MACROD1: variants seen among roughly 807,000 people sequenced by gnomAD.
The protein encoded by MACROD1 is mono-ADP ribosylhydrolase 1.
MACROD1 carries 31 observed loss-of-function variants against 41.4 expected under a neutral mutation model. That is an observed-to-expected ratio of 0.75 (90% confidence interval 0.56 to 1.01). MACROD1 has a LOEUF of 1.01. Ranked by LOEUF, MACROD1 falls within the 50% of genes least tolerant of loss-of-function variation. MACROD1 has a pLI of 0.00. For synonymous variants in MACROD1, 252 were observed against 203.4 expected (o/e 1.24, Z -2.03); for missense variants, 473 against 460.0 (o/e 1.03, Z -0.26).
intron 1 of MACROD1, among the ~76,000 whole-genome samples, chr11:64,159,320 GAA>G (rs34061690): frequency 3.3e-3 from 340 of 103,966 alleles, no homozygotes; most frequent in South Asian, 7.5e-3. Flanking sequence ...CTCCGTCTCA[GAA>G]AAAAAAAAAA....
rs1945497766 is a variant in MACROD1 at position 64,146,500 on chromosome 11, C to T, written c.517+4739G>A. On this transcript the variant is annotated intron_variant, in intron 3 of 10. Coordinates refer to ENST00000255681, the MANE Select transcript of MACROD1 (RefSeq NM_014067.4). This position sits in a 1 kb window ranked among gnomAD's most constrained non-coding sequence, Gnocchi z 4.7. The stretch of plus-strand genomic sequence containing the variant: ...GAACCTGAGACTCTCCCGGGTGCTA[C>T]CCAAGCAAGTGGCCTCAGCTGGCAG... Among the ~76,000 whole-genome samples, 2 of 152,162 alleles carry T rather than the reference C, an allele frequency of 1.3e-5. No individual in the cohort carries two copies. Among genetic ancestry groups the T allele is most frequent in the South Asian group, 4.1e-4 (2 of 4,832 alleles).
chr11:64,036,619 C>G lies in MACROD1; in HGVS notation c.518-21338G>C, dbSNP rs1311812777. On this transcript the variant is annotated intron_variant, in intron 3 of 10. Coordinates refer to ENST00000255681, the MANE Select transcript of MACROD1 (RefSeq NM_014067.4). This position sits in a 1 kb window ranked among gnomAD's most constrained non-coding sequence, Gnocchi z 5.6. ...CGGCCTGGGCGCCGCGCTCCCGTCCCCACCAGCCGCGTGAGTCACGGTTGG... is the reference window on the plus strand; with the variant it reads ...CGGCCTGGGCGCCGCGCTCCCGTCCGCACCAGCCGCGTGAGTCACGGTTGG... Among the ~76,000 whole-genome samples, 1 of 152,196 alleles carries G rather than the reference C, an allele frequency of 6.6e-6. No individual in the cohort carries two copies. The highest frequency in any genetic ancestry group is 1.5e-5 in the Non-Finnish European group (1 of 68,030).
rs1945615628 is a variant in MACROD1 at position 64,153,406 on chromosome 11, G to C, written c.299-1013C>G. The stretch of plus-strand genomic sequence containing the variant: ...ATATGTAGAGGCGGGAGAGCAATTA[G>C]AGGAGGTGGTGAGAAAGGAAGGACT... On this transcript the variant is annotated intron_variant, in intron 1 of 10. Coordinates refer to ENST00000255681, the MANE Select transcript of MACROD1 (RefSeq NM_014067.4). Among the ~76,000 whole-genome samples the C allele has an allele frequency of 3.9e-5, 6 of 152,186 alleles. No homozygotes were observed. In the South Asian group the frequency reaches 1.2e-3, roughly 32 times the overall value.
chr11:64,136,800 T>C (rs1945339119), intron 3 of MACROD1, among the ~76,000 whole-genome samples: 1 of 151,934 alleles, frequency 6.6e-6, no homozygotes, highest in African/African-American at 2.4e-5. Flanking sequence ...TGAAAAGAGG[T>C]GGAGAGAATC....
intron 3 of MACROD1, among the ~76,000 whole-genome samples, chr11:64,019,039 C>T (rs1327059860): frequency 6.6e-6 from 1 of 151,958 alleles, no homozygotes; most frequent in Non-Finnish European, 1.5e-5. Context: ...GTGGGGGACC[C>T]GAGCCTGGAC....
chr11:64,034,054 G>A (rs1314394734), intron 3 of MACROD1, among the ~76,000 whole-genome samples: 3 of 152,210 alleles, frequency 2.0e-5, no homozygotes, highest in South Asian at 4.1e-4. Context: ...TTGAGTGCCC[G>A]CGCTCTGTGC....
Position 64,165,813 on chromosome 11 carries a change from A to G in MACROD1, c.182T>C (p.Val61Ala). The G allele has an allele frequency of 6.7e-7, 1 of 1,483,038 alleles. No homozygotes were observed. Among genetic ancestry groups the G allele is most frequent in the Non-Finnish European group, 8.9e-7 (1 of 1,118,378 alleles). 91.9% of individuals were successfully genotyped at this position (1,483,038 alleles called of 1,614,324 possible). ...CACCGCCGCCGCCCCCCACGCCCCAACTCCCGCCGAGGTCCGCGCACGGCG... is the reference window on the plus strand; with the variant it reads ...CACCGCCGCCGCCCCCCACGCCCCAGCTCCCGCCGAGGTCCGCGCACGGCG... The part of the protein sequence containing the change: ...FGRRARTSAG[V>A]GAWGAAAVGR... The change falls in exon 1 of 11, where the codon GTT (valine) becomes GCT (alanine). Residue 61 changes from valine to alanine, a missense_variant. Val to Ala is a moderately conservative substitution (Grantham distance 64). Transcript: ENST00000255681.
chr11:64,002,654 G>A (rs942924973), intron 4 of MACROD1, among the ~76,000 whole-genome samples: 3 of 152,152 alleles, frequency 2.0e-5, no homozygotes, highest in African/African-American at 7.2e-5. Context: ...CCCTGAGAGT[G>A]CAGAGGGGAA....
intron 4 of MACROD1, among the ~76,000 whole-genome samples, chr11:64,010,953 G>A (rs985748016): frequency 2.7e-5 from 4 of 146,510 alleles, no homozygotes; most frequent in African/African-American, 1.0e-4. Flanking sequence ...TTGGGGTGTT[G>A]GCTGGCATGT....
chr11:64,042,327 C>G (rs1943503292), intron 3 of MACROD1, among the ~76,000 whole-genome samples: 1 of 152,194 alleles, frequency 6.6e-6, no homozygotes, highest in African/African-American at 2.4e-5. Context: ...GAGTGGCTGC[C>G]CCACCCTTCC....
chr11:64,090,727 G>A lies in MACROD1; in HGVS notation c.517+60512C>T, dbSNP rs983235389. ...CTAAAATGGGGGCAGGGGTGGCAGCGTCTCTCCACCACATCCCAAGACTAA... is the reference window on the plus strand; with the variant it reads ...CTAAAATGGGGGCAGGGGTGGCAGCATCTCTCCACCACATCCCAAGACTAA... On this transcript the variant is annotated intron_variant, in intron 3 of 10. Coordinates refer to ENST00000255681, the MANE Select transcript of MACROD1 (RefSeq NM_014067.4). The surrounding 1 kb of genome is among the most constrained non-coding windows in gnomAD (Gnocchi z 4.7). Among the ~76,000 whole-genome samples the A allele has an allele frequency of 5.3e-5, 8 of 151,940 alleles. No homozygotes were observed. The highest frequency in any genetic ancestry group is 4.2e-4 in the South Asian group (2 of 4,816).
At chr11:64,163,297 T>A (rs1461655108) in intron 1 of MACROD1, among the ~76,000 whole-genome samples, 1 of 152,154 alleles carries the variant, frequency 6.6e-6, no homozygotes, top group Non-Finnish European at 1.5e-5. Context: ...TGAAACTGTC[T>A]CAAAAAAAAA....
chr11:64,109,415 G>A (rs767282044), intron 3 of MACROD1, among the ~76,000 whole-genome samples: 7 of 152,080 alleles, frequency 4.6e-5, no homozygotes, highest in African/African-American at 1.2e-4. Flanking sequence ...GGAGGCTGCC[G>A]GCCTCTCCCC....
At chr11:64,049,405 G>C (rs574536356) in intron 3 of MACROD1, among the ~76,000 whole-genome samples, 133 of 152,300 alleles carry the variant, frequency 8.7e-4, no homozygotes, top group African/African-American at 3.1e-3. Flanking sequence ...CAGGCCCCCT[G>C]AGCACTTCCT....
At chr11:64,063,795 A>C (rs544318121) in intron 3 of MACROD1, among the ~76,000 whole-genome samples, 13 of 152,298 alleles carry the variant, frequency 8.5e-5, no homozygotes, top group African/African-American at 2.9e-4. Context: ...AAAGGCCCCA[A>C]ATGAGACAGC....
chr11:64,150,889 G>C (rs949344501), intron 3 of MACROD1, among the ~76,000 whole-genome samples: 1 of 152,224 alleles, frequency 6.6e-6, no homozygotes, highest in Non-Finnish European at 1.5e-5. Context: ...GCCAAAGGCA[G>C]AGGAAGGCAG....
chr11:64,015,870 G>A (rs1384186365), intron 3 of MACROD1, among the ~76,000 whole-genome samples: 2 of 152,192 alleles, frequency 1.3e-5, no homozygotes, highest in African/African-American at 4.8e-5. Flanking sequence ...AAGGCGAGCC[G>A]GGTAAGGGGC....
At chr11:64,000,611 C>A (rs1000912213) in intron 4 of MACROD1, among the ~76,000 whole-genome samples, 2 of 152,098 alleles carry the variant, frequency 1.3e-5, no homozygotes, top group Non-Finnish European at 2.9e-5. Flanking sequence ...CCACCCTGTC[C>A]CTTCCAGGCC....
intron 3 of MACROD1, among the ~76,000 whole-genome samples, chr11:64,043,007 C>T (rs1468599082): frequency 4.6e-5 from 7 of 152,224 alleles, no homozygotes; most frequent in Non-Finnish European, 8.8e-5. Flanking sequence ...GGCAGAAGGG[C>T]TATGAAATGA....
Sources: gnomAD v4.1 joint callset for allele counts (sites outside exome capture counted in the v4.1 genomes callset) on GRCh38, gnomAD v4.1.1 for gene constraint, Gnocchi (gnomAD v3.1) non-coding constraint, MANE v1.5 for transcripts, NCBI Gene and HGNC (gene_info 2026-07-23, HGNC 2026-07-21) for gene names.